Variants in DNAH10 observed in about 807,000 individuals in gnomAD.
DNAH10 encodes the protein axonemal beta dynein heavy chain 10.
A neutral mutation model predicts 506.6 loss-of-function variants in DNAH10; 348 were observed. That is an observed-to-expected ratio of 0.69 (90% CI 0.63 to 0.75). The LOEUF (loss-of-function observed/expected upper bound fraction) is 0.75. Ranked by LOEUF, DNAH10 falls within the 30% of genes least tolerant of loss-of-function variation. DNAH10 has a pLI of 0.00. For missense variants in DNAH10, 5,179 were observed against 5,787.1 expected, an observed-to-expected ratio of 0.89 and a Z score of 3.41; for synonymous variants, 2,059 against 2,198.6, an observed-to-expected ratio of 0.94 and a Z score of 1.78.
Position 123,813,241 on chromosome 12 carries a change from A to T in DNAH10, c.3222A>T (p.Ile1074=). ...GGGAGGAAGAGGAAGTTGTTATAAT[A>T]AACTTTTACAATGATATCTCTCTGA... is the stretch of plus-strand genomic sequence containing the variant. The part of the protein sequence containing the change: ...QKGEEEEVVI[I]NFYNDISLNP... The change falls in exon 20 of 79, where the codon ATA becomes ATT. Residue 1074 remains isoleucine (I), a synonymous_variant. Coordinates refer to ENST00000673944, the MANE Select transcript of DNAH10 (RefSeq NM_001372106.1). 6.2e-7 allele frequency: 1 copy of T among 1,614,162 alleles called. No individual in the cohort carries two copies. The highest frequency in any genetic ancestry group is 8.5e-7 in the Non-Finnish European group (1 of 1,180,022).
chr12:123,776,834 G>A (rs1957459493), intron 5 of DNAH10, among the ~76,000 whole-genome samples: 2 of 152,134 alleles, frequency 1.3e-5, no homozygotes, highest in South Asian at 4.1e-4. Context: ...GAACAACTGA[G>A]ACAAGGTCTC....
intron 52 of DNAH10, among the ~76,000 whole-genome samples, chr12:123,889,927 T>G (rs753514699): frequency 3.3e-5 from 5 of 152,268 alleles, no homozygotes; most frequent in African/African-American, 7.2e-5. Flanking sequence ...CCTTCCAGTC[T>G]CTACTTCTGT....
At position 123,867,970 on chromosome 12, in the gene DNAH10, A is replaced by T; in HGVS notation, c.7370A>T (p.Glu2457Val). The change falls in exon 43 of 79, where the codon GAG becomes GTG. Residue 2457 changes from glutamate (E) to valine (V), a missense_variant. Physicochemically the swap from Glu to Val is moderately radical, Grantham distance 121. Around this residue, in one of 3 missense-constraint regions of DNAH10, gnomAD observed 4,844 missense variants for 5,430.5 expected, o/e 0.89. Transcript: ENST00000673944. ...EGEIEDLDLL[E>V]CYFLEALYCS... ...GAAATAGAAGACCTTGACCTGCTGG[A>T]GTGCTACTTCCTGGAGGCTTTGTAC... 1.2e-6 allele frequency: 2 copies of T among 1,613,898 alleles called. No homozygotes were observed. Among genetic ancestry groups the T allele is most frequent in the Non-Finnish European group, 1.7e-6 (2 of 1,179,868 alleles).
intron 47 of DNAH10, among the ~76,000 whole-genome samples, chr12:123,876,107 T>A (rs779280447): frequency 1.3e-5 from 2 of 152,008 alleles, no homozygotes; most frequent in Non-Finnish European, 2.9e-5. Flanking sequence ...TAAAGCGGAG[T>A]CTGCACACTC....
At chr12:123,769,468 C>T (rs767677228) in intron 2 of DNAH10, among the ~76,000 whole-genome samples, 3 of 152,164 alleles carry the variant, frequency 2.0e-5, no homozygotes. Context: ...TGAGCCACCA[C>T]GCCCGGCCTA....
intron 5 of DNAH10, among the ~76,000 whole-genome samples, chr12:123,778,706 GAAAA>G (rs949741733): frequency 1.3e-5 from 2 of 151,158 alleles, no homozygotes; most frequent in South Asian, 4.2e-4. Flanking sequence ...AAAAAAAAAA[GAAAA>G]AAAATATATA....
intron 28 of DNAH10, among the ~76,000 whole-genome samples, chr12:123,838,123 C>T (rs527406069): frequency 3.9e-5 from 6 of 152,178 alleles, no homozygotes; most frequent in South Asian, 2.1e-4. Flanking sequence ...GTTGAATGGG[C>T]GCCTACTGTG....
chr12:123,830,605 C>A lies in DNAH10; in HGVS notation c.4451C>A (p.Thr1484Asn). The A allele has an allele frequency of 6.2e-7, 1 of 1,613,698 alleles. No individual in the cohort carries two copies. Among genetic ancestry groups the A allele is most frequent in the South Asian group, 1.1e-5 (1 of 91,024 alleles). Reference protein sequence around the residue: ...SVFFEMTETFTLENMFAMELH... With the variant: ...SVFFEMTETFNLENMFAMELH... ...TTTTTTGAAATGACCGAAACGTTCA[C>A]CTTGGAAAATATGTTTGCTATGGAA... Residue 1484 changes from threonine (T) to asparagine (N), a missense_variant, in exon 26 of 79, where the codon ACC (threonine) becomes AAC (asparagine). By Grantham distance (65) the Thr-to-Asn change is moderately conservative (BLOSUM62 0). Around this residue, in one of 3 missense-constraint regions of DNAH10, gnomAD observed 4,844 missense variants for 5,430.5 expected, o/e 0.89. Coordinates refer to ENST00000673944, the MANE Select transcript of DNAH10 (RefSeq NM_001372106.1).
At chr12:123,847,307 TTTA>T (rs1565986225) in intron 32 of DNAH10, among the ~76,000 whole-genome samples, 6 of 146,120 alleles carry the variant, frequency 4.1e-5, no homozygotes, top group African/African-American at 1.5e-4. Context: ...GATCATCTAT[TTTA>T]TCTATCTATC....
Position 123,928,502 on chromosome 12 carries a change from C to T in DNAH10, c.12221C>T (p.Thr4074Ile). ...KDLEKSLERI[T>I]KPHPDFRLWL... ...CTGGAGAAGTCCCTGGAGAGGATCA[C>T]CAAGCCCCACCCAGACTTCCGCCTG... The change falls in exon 70 of 79, where the codon ACC (threonine) becomes ATC (isoleucine). Residue 4074 changes from threonine to isoleucine, a missense_variant. By Grantham distance (89) the Thr-to-Ile change is moderately conservative (BLOSUM62 -1). Coordinates refer to ENST00000673944, the MANE Select transcript of DNAH10 (RefSeq NM_001372106.1). The surrounding 1 kb of genome is among the most constrained non-coding windows in gnomAD (Gnocchi z 4.9). 4 of 1,611,494 alleles carry T rather than the reference C, an allele frequency of 2.5e-6. No homozygotes were observed. The highest frequency in any genetic ancestry group is 1.3e-5 in the African/African-American group (1 of 75,000).
At chr12:123,927,159 T>C in intron 69 of DNAH10, 1 of 269,308 alleles carries the variant, frequency 3.7e-6, no homozygotes, top group South Asian at 5.1e-5. Context: ...TCGTCCTGCC[T>C]CAGCCTCCCC....
At position 123,850,653 on chromosome 12, in the gene DNAH10, T is replaced by C. The variant is rs1437854115; in HGVS notation, c.6103-235T>C. Reference sequence around the variant, plus strand: ...GCCAACCTGGGCCCCTTCTCCAAGGTAGTGCCCTGGGTTCAGGTCTGAGTT... The same window carrying C: ...GCCAACCTGGGCCCCTTCTCCAAGGCAGTGCCCTGGGTTCAGGTCTGAGTT... On this transcript the variant is annotated intron_variant, in intron 34 of 78. Transcript: ENST00000673944. The surrounding 1 kb of genome is among the most constrained non-coding windows in gnomAD (Gnocchi z 5.5). Among the ~76,000 whole-genome samples the C allele has an allele frequency of 6.6e-6, 1 of 152,182 alleles. No homozygotes were observed. The highest frequency in any genetic ancestry group is 1.5e-5 in the Non-Finnish European group (1 of 68,022).
intron 40 of DNAH10, 87 bp from the exon 41 acceptor site, chr12:123,865,864 A>C (rs1366620049): frequency 2.9e-6 from 4 of 1,360,874 alleles, no homozygotes; most frequent in African/African-American, 3.0e-5. Flanking sequence ...ATGCAGTTGT[A>C]AAAACTTTCC....
In DNAH10 at chr12:123,804,817, A is replaced by G. The variant is rs1958601786; in HGVS notation, c.2780-16A>G. On this transcript the variant is annotated splice_polypyrimidine_tract_variant and intron_variant, in intron 17 of 78. Transcript: ENST00000673944. Reference sequence around the variant, plus strand: ...CTGTGTTCGTGGACAGCTCTAACAGACATCTTTCTCTCCAGGCGTGAAGGA... The same window carrying G: ...CTGTGTTCGTGGACAGCTCTAACAGGCATCTTTCTCTCCAGGCGTGAAGGA... 2.5e-6 allele frequency: 4 copies of G among 1,605,302 alleles called. No individual in the cohort carries two copies. Among genetic ancestry groups the G allele is most frequent in the Non-Finnish European group, 3.4e-6 (4 of 1,174,154 alleles).
intron 1 of DNAH10, among the ~76,000 whole-genome samples, chr12:123,763,563 CT>C (rs35395990): frequency 0.031 from 4,067 of 129,422 alleles, 72 homozygotes; most frequent in Admixed American, 0.045. Flanking sequence ...TATTTTTTAA[CT>C]TTTTTTTTTT....
intron 52 of DNAH10, among the ~76,000 whole-genome samples, chr12:123,889,108 G>A (rs1952865288): frequency 6.6e-6 from 1 of 152,074 alleles, no homozygotes; most frequent in South Asian, 2.1e-4. Context: ...CTCCTTTCTC[G>A]CCTTGCTGCA....
At chr12:123,786,834 T>TA (rs1957874024) in intron 9 of DNAH10, among the ~76,000 whole-genome samples, 1 of 151,952 alleles carries the variant, frequency 6.6e-6, no homozygotes, top group Non-Finnish European at 1.5e-5. Flanking sequence ...TTCACTTTCT[T>TA]AAAAAATATC....
At chr12:123,867,704 A>T (rs920182137) in intron 42 of DNAH10, 103 bp downstream of exon 42, 5 of 1,527,128 alleles carry the variant, frequency 3.3e-6, no homozygotes, top group Non-Finnish European at 4.4e-6. Context: ...GGTGAACAGT[A>T]GCATTGTTGG....
At chr12:123,767,232 A>G (rs1314284497) in intron 1 of DNAH10, among the ~76,000 whole-genome samples, 1 of 152,156 alleles carries the variant, frequency 6.6e-6, no homozygotes, top group East Asian at 1.9e-4. Flanking sequence ...AATTGTGGTA[A>G]CATACACACG....
Sources: allele counts gnomAD v4.1 joint callset (sites outside exome capture counted in the v4.1 genomes callset), GRCh38; gene constraint gnomAD v4.1.1; regional missense constraint gnomAD v4.1.1; non-coding constraint Gnocchi (gnomAD v3.1); transcripts MANE v1.5; gene names NCBI Gene and HGNC (gene_info 2026-07-23, HGNC 2026-07-21).